FAM120A: variants seen among roughly 807,000 people sequenced by gnomAD.
The protein encoded by FAM120A is family with sequence similarity 120 member A, also known as constitutive coactivator of PPAR-gamma-like protein 1.
Under a neutral mutation model 109.7 loss-of-function variants are expected in FAM120A, and 15 were observed. The observed-to-expected ratio is 0.14, with a 90% confidence interval of 0.09 to 0.21. FAM120A has a LOEUF of 0.21. Among genes scored for constraint, FAM120A ranks in the 10% least tolerant of loss-of-function variants. The pLI, the probability that FAM120A is intolerant of heterozygous loss-of-function variation, is 1.00. For missense variants in FAM120A, 899 were observed against 1,439.3 expected, an observed-to-expected ratio of 0.62 and a Z score of 6.07; for synonymous variants, 493 against 572.8, an observed-to-expected ratio of 0.86 and a Z score of 1.99.
rs1862369754 is a variant in FAM120A, at chr9:93,558,559, C to T, written c.2669-22C>T. 5 of 1,613,376 alleles carry T rather than the reference C, an allele frequency of 3.1e-6. No homozygotes were observed. The East Asian group carries it at 6.7e-5, about 22-fold the overall frequency. On this transcript the variant is annotated intron_variant, in intron 14 of 17. Transcript: ENST00000277165. Reference sequence around the variant, plus strand: ...CCTGTCCCTTACACTTCTCCCCTCTCTCTCTACCCCGGGTCCCACAGGCGT... The same window carrying T: ...CCTGTCCCTTACACTTCTCCCCTCTTTCTCTACCCCGGGTCCCACAGGCGT...
At chr9:93,556,237 C>G in intron 12 of FAM120A, 145 bp from the exon 13 acceptor site, 1 of 627,308 alleles carries the variant, frequency 1.6e-6, no homozygotes, top group Non-Finnish European at 2.8e-6. Flanking sequence ...AGTGTTAGGT[C>G]AATATAAGGT....
In FAM120A at chr9:93,452,707, C is replaced by T; in HGVS notation, c.474+318C>T. 1.3e-6 allele frequency: 2 copies of T among 1,598,534 alleles called. No individual in the cohort carries two copies. The highest frequency in any genetic ancestry group is 2.2e-5 in the South Asian group (2 of 91,058). On this transcript the variant is annotated intron_variant, in intron 1 of 17. Coordinates refer to ENST00000277165, the MANE Select transcript of FAM120A (RefSeq NM_014612.5). This position sits in a 1 kb window ranked among gnomAD's most constrained non-coding sequence, Gnocchi z 7.0. ...CATCCCCAATATCCTTAGTTTTTCC[C>T]ATCCTATTTGAGGCGGGCAGGCTAT...
chr9:93,495,177 A>G (rs971986884), intron 3 of FAM120A, among the ~76,000 whole-genome samples: 1 of 152,230 alleles, frequency 6.6e-6, no homozygotes, highest in South Asian at 2.1e-4. Flanking sequence ...GTGGGCCACA[A>G]CTGACCACTT....
At chr9:93,539,338 G>A (rs1213118716) in intron 10 of FAM120A, among the ~76,000 whole-genome samples, 1 of 152,184 alleles carries the variant, frequency 6.6e-6, no homozygotes, top group Non-Finnish European at 1.5e-5. Flanking sequence ...TTGGTTTAGT[G>A]TAAGTTAAGG....
intron 15 of FAM120A, among the ~76,000 whole-genome samples, chr9:93,559,532 C>T (rs1370099511): frequency 2.6e-5 from 4 of 152,234 alleles, no homozygotes; most frequent in South Asian, 4.1e-4. Flanking sequence ...GCAGATTTGG[C>T]GACGGGTCAG....
At chr9:93,480,077 G>C (rs1447035428) in intron 3 of FAM120A, among the ~76,000 whole-genome samples, 2 of 152,204 alleles carry the variant, frequency 1.3e-5, no homozygotes, top group Non-Finnish European at 2.9e-5. Flanking sequence ...GACATACTCA[G>C]AACCTAAAAT....
intron 1 of FAM120A, among the ~76,000 whole-genome samples, chr9:93,459,650 T>C (rs1009686012): frequency 2.2e-4 from 34 of 152,232 alleles, no homozygotes; most frequent in African/African-American, 8.2e-4. Context: ...ATATGTTTAC[T>C]CAGTGAAGAC....
Position 93,500,876 on chromosome 9 carries a change from G to A in FAM120A, c.1030+1990G>A, listed in dbSNP as rs1224046870. ...GTGGCCTACTGCCTCCTGACCTCGA[G>A]CTCCCTATTTTATAGAATGGGGTCA... On this transcript the variant is annotated intron_variant, in intron 5 of 17. Transcript: ENST00000277165. This position sits in a 1 kb window ranked among gnomAD's most constrained non-coding sequence, Gnocchi z 4.6. 6.6e-6 allele frequency among the ~76,000 whole-genome samples: 1 copy of A among 152,190 alleles called. No individual in the cohort carries two copies. Among genetic ancestry groups the A allele is most frequent in the African/African-American group, 2.4e-5 (1 of 41,444 alleles).
chr9:93,537,497 A>C (rs1861557147), intron 10 of FAM120A, among the ~76,000 whole-genome samples: 1 of 152,194 alleles, frequency 6.6e-6, no homozygotes, highest in Non-Finnish European at 1.5e-5. Flanking sequence ...TAATACCTCA[A>C]AATTAAGTAA....
chr9:93,497,513 A>G lies in FAM120A; in HGVS notation c.847A>G (p.Ile283Val). The change falls in exon 4 of 18, where the codon ATC (isoleucine) becomes GTC (valine). Residue 283 changes from isoleucine (I) to valine (V), a missense_variant. Coordinates refer to ENST00000277165, the MANE Select transcript of FAM120A (RefSeq NM_014612.5). The stretch of plus-strand genomic sequence containing the variant: ...GGTCTTGCCACCTTGCGACGTAGTG[A>G]TCAAAGCCGTTGCTGACTATGTACG... ...QLVLPPCDVV[I>V]KAVADYVRNI... The G allele has an allele frequency of 6.2e-7, 1 of 1,613,712 alleles. No homozygotes were observed. The highest frequency in any genetic ancestry group is 8.5e-7 in the Non-Finnish European group (1 of 1,179,864).
At chr9:93,545,310 A>G (rs1861841016) in intron 11 of FAM120A, among the ~76,000 whole-genome samples, 1 of 152,168 alleles carries the variant, frequency 6.6e-6, no homozygotes, top group Non-Finnish European at 1.5e-5. Flanking sequence ...GTGTATTCCT[A>G]TATCTCATTG....
In FAM120A at chr9:93,540,141, G is replaced by C. The variant is rs182919653; in HGVS notation, c.1910-3081G>C. 9.8e-5 allele frequency among the ~76,000 whole-genome samples: 15 copies of C among 152,300 alleles called. No homozygotes were observed. The East Asian group carries it at 2.5e-3, about 26-fold the overall frequency. ...AGGCCCAGGTCTGAGAACCCAAGGA[G>C]ACCCTCCCTCTCAGGCACATGCCTG... is the stretch of plus-strand genomic sequence containing the variant. On this transcript the variant is annotated intron_variant, in intron 10 of 17. Transcript: ENST00000277165.
In FAM120A at chr9:93,564,241, T is replaced by C. The variant is rs1439446276; in HGVS notation, c.3058T>C (p.Tyr1020His). 1 of 1,611,890 alleles carries C rather than the reference T, an allele frequency of 6.2e-7. No homozygotes were observed. The highest frequency in any genetic ancestry group is 1.1e-5 in the South Asian group (1 of 91,066). The change falls in exon 18 of 18, where the codon TAT becomes CAT. Residue 1020 changes from tyrosine (Y) to histidine (H), a missense_variant. By Grantham distance (83) the Tyr-to-His change is moderately conservative (BLOSUM62 2). Around this residue, in one of 11 missense-constraint regions of FAM120A, gnomAD observed 170 missense variants for 205.0 expected, o/e 0.83. Transcript: ENST00000277165. Reference protein sequence around the residue: ...NQAAIQGRPPYAASAEEVAKE... With the variant: ...NQAAIQGRPPHAASAEEVAKE... The stretch of plus-strand genomic sequence containing the variant: ...TCATTTTAAACAGGGCAGACCTCCT[T>C]ATGCTGCTTCAGCAGAAGAAGTGGC...
chr9:93,557,489 G>T (rs1862325563), intron 13 of FAM120A, among the ~76,000 whole-genome samples: 1 of 152,176 alleles, frequency 6.6e-6, no homozygotes, highest in South Asian at 2.1e-4. Flanking sequence ...GAAACACGTG[G>T]CACTTAATAA....
chr9:93,547,623 CTA>C (rs1182952251), intron 11 of FAM120A, among the ~76,000 whole-genome samples: 1 of 152,102 alleles, frequency 6.6e-6, no homozygotes, highest in African/African-American at 2.4e-5. Flanking sequence ...CTATAGCTGT[CTA>C]TATTAGCACA....
intron 10 of FAM120A, 131 bp from the exon 11 acceptor site, chr9:93,543,091 C>A (rs1861761549): frequency 8.8e-7 from 1 of 1,132,564 alleles, no homozygotes; most frequent in Non-Finnish European, 1.3e-6. Context: ...GGTAGTTTTG[C>A]TAAGGAGAGA....
chr9:93,511,203 T>C (rs113358519), intron 5 of FAM120A, among the ~76,000 whole-genome samples: 5,826 of 150,350 alleles, frequency 0.039, 184 homozygotes, highest in African/African-American at 0.075. Context: ...TTACTTCTCA[T>C]GGGCCTTGTA....
chr9:93,459,006 T>C (rs925369632), intron 1 of FAM120A, among the ~76,000 whole-genome samples: 4 of 152,214 alleles, frequency 2.6e-5, no homozygotes, highest in Non-Finnish European at 5.9e-5. Context: ...CCAAGAAATA[T>C]CCAGTTTCTG....
intron 10 of FAM120A, among the ~76,000 whole-genome samples, chr9:93,539,385 A>T (rs530335140): frequency 6.6e-6 from 1 of 152,366 alleles, no homozygotes; most frequent in African/African-American, 2.4e-5. Context: ...GAAGTAGGCT[A>T]CTTCCTGAAG....
Sources: gnomAD v4.1 joint callset for allele counts (sites outside exome capture counted in the v4.1 genomes callset) on GRCh38, gnomAD v4.1.1 for gene constraint, gnomAD v4.1.1 regional missense constraint, Gnocchi (gnomAD v3.1) non-coding constraint, MANE v1.5 for transcripts, NCBI Gene and HGNC (gene_info 2026-07-23, HGNC 2026-07-21) for gene names.